PFDN1: variants seen among roughly 807,000 people sequenced by gnomAD.
PFDN1 encodes prefoldin subunit 1, also known as prefoldin 1.
Under a neutral mutation model 17.3 loss-of-function variants are expected in PFDN1, and 6 were observed. The observed-to-expected ratio is 0.35, with a 90% CI of 0.19 to 0.69. The LOEUF is 0.69. Ranked by LOEUF, PFDN1 falls within the 30% of genes least tolerant of loss-of-function variation. The pLI, the probability that PFDN1 is intolerant of heterozygous loss-of-function variation, is 0.65. For missense variants in PFDN1, 113 were observed against 146.2 expected (o/e 0.77, Z 1.17); for synonymous variants, 58 against 50.1 (o/e 1.16, Z -0.67).
chr5:140,249,947 C>T lies in PFDN1; in HGVS notation c.286-3890G>A, dbSNP rs760719273. On this transcript the variant is annotated intron_variant, in intron 3 of 3. Transcript: ENST00000261813. The stretch of plus-strand genomic sequence containing the variant: ...CGGGGGTTGGGGGGGTCTGGGGGTA[C>T]CAAATTTCAACATGAGACCTGCCAG... Among the ~76,000 whole-genome samples, 3 of 152,060 alleles carry T rather than the reference C, an allele frequency of 2.0e-5. 1 individual carries two copies. Among genetic ancestry groups the T allele is most frequent in the Non-Finnish European group, 4.4e-5 (3 of 68,006 alleles).
intron 3 of PFDN1, among the ~76,000 whole-genome samples, chr5:140,278,017 T>C (rs775792194): frequency 5.9e-5 from 9 of 151,568 alleles, no homozygotes; most frequent in Non-Finnish European, 1.0e-4. Flanking sequence ...AAGACCAGCC[T>C]GGCCAACATG....
At chr5:140,251,758 T>C (rs895576677) in intron 3 of PFDN1, among the ~76,000 whole-genome samples, 8 of 152,154 alleles carry the variant, frequency 5.3e-5, no homozygotes, top group South Asian at 2.1e-4. Flanking sequence ...AATGACATTG[T>C]TGGAGTTATT....
intron 3 of PFDN1, among the ~76,000 whole-genome samples, chr5:140,276,884 C>T (rs1581091161): frequency 1.4e-5 from 2 of 142,622 alleles, no homozygotes; most frequent in South Asian, 4.5e-4. Context: ...GAGAAATAAA[C>T]AGAAATCATA....
intron 2 of PFDN1, among the ~76,000 whole-genome samples, chr5:140,291,754 G>A (rs1765585965): frequency 6.6e-6 from 1 of 152,122 alleles, no homozygotes. Flanking sequence ...GACAGTAAAG[G>A]AAGCTGAAAA....
chr5:140,287,600 G>A (rs984767146), intron 2 of PFDN1, among the ~76,000 whole-genome samples: 36 of 152,230 alleles, frequency 2.4e-4, no homozygotes, highest in Middle Eastern at 3.4e-3. Context: ...GGAGCATACT[G>A]CAGTATGAGA....
At chr5:140,271,107 A>G (rs780063217) in intron 3 of PFDN1, among the ~76,000 whole-genome samples, 4 of 152,156 alleles carry the variant, frequency 2.6e-5, no homozygotes, top group African/African-American at 4.8e-5. Context: ...AAATGCTCAA[A>G]CAGAAAAAGA....
chr5:140,251,489 G>A (rs1001271635), intron 3 of PFDN1, among the ~76,000 whole-genome samples: 2 of 152,158 alleles, frequency 1.3e-5, no homozygotes, highest in Admixed American at 6.5e-5. Context: ...TTGAGGAACT[G>A]CTCTATCCGA....
At chr5:140,251,098 G>A (rs1239330554) in intron 3 of PFDN1, among the ~76,000 whole-genome samples, 1 of 151,954 alleles carries the variant, frequency 6.6e-6, no homozygotes, top group Non-Finnish European at 1.5e-5. Flanking sequence ...ACCACACCCA[G>A]CTAATTTTTC....
At chr5:140,257,078 C>T (rs752814784) in intron 3 of PFDN1, among the ~76,000 whole-genome samples, 3 of 152,072 alleles carry the variant, frequency 2.0e-5, no homozygotes, top group Non-Finnish European at 4.4e-5. Context: ...AAAAAATTAG[C>T]TGGGCATGGT....
chr5:140,284,313 C>T (rs1357297165), intron 2 of PFDN1, among the ~76,000 whole-genome samples: 3 of 152,144 alleles, frequency 2.0e-5, no homozygotes, highest in African/African-American at 4.8e-5. Flanking sequence ...AAATGTCTAC[C>T]TCAAAGAGTA....
At chr5:140,267,146 G>A (rs191697817) in intron 3 of PFDN1, among the ~76,000 whole-genome samples, 1 of 152,360 alleles carries the variant, frequency 6.6e-6, no homozygotes, top group East Asian at 1.9e-4. Flanking sequence ...AGGTGCACTG[G>A]AATCACACAT....
chr5:140,273,881 AT>A (rs1185514279), intron 3 of PFDN1: 33 of 983,952 alleles, frequency 3.4e-5, no homozygotes, highest in Non-Finnish European at 4.0e-5. Context: ...TGCCTAAAAT[AT>A]AACAGACTTT....
rs1764813930 is a variant in PFDN1, at chr5:140,245,359, G to T, written c.*615C>A. The T allele has an allele frequency of 4.5e-6, 3 of 665,106 alleles. No individual in the cohort carries two copies. The South Asian group carries it at 4.8e-5, about 11-fold the overall frequency. The allele number at this position is 665,106 out of a possible 1,614,324, so 41.2% of individuals were successfully genotyped here. A position where few individuals can be genotyped will look rare whatever the true frequency, so the allele number is the denominator to read the frequency against. On this transcript the variant is annotated 3_prime_UTR_variant, in exon 4 of 4. Transcript: ENST00000261813. ...AATGTATGGGAGAAGGCAGGGAAAG[G>T]AATCTTTAGGCAGACTGCCATCCAG...
Position 140,245,781 on chromosome 5 carries a change from G to A in PFDN1, c.*193C>T. 1 of 612,558 alleles carries A rather than the reference G, an allele frequency of 1.6e-6. No individual in the cohort carries two copies. The highest frequency in any genetic ancestry group is 2.7e-5 in the East Asian group (1 of 36,598). The allele number at this position is 612,558 out of a possible 1,614,324, so 37.9% of individuals were successfully genotyped here. Reference sequence around the variant, plus strand: ...GGGAAGAGTGTCCTGGGCAGAGGTGGCAGGCAAAGCCGGGTAAAAACTCCA... The same window carrying A: ...GGGAAGAGTGTCCTGGGCAGAGGTGACAGGCAAAGCCGGGTAAAAACTCCA... On this transcript the variant is annotated 3_prime_UTR_variant, in exon 4 of 4. Coordinates refer to ENST00000261813, the MANE Select transcript of PFDN1 (RefSeq NM_002622.5).
At chr5:140,285,604 A>G (rs1489651162) in intron 2 of PFDN1, among the ~76,000 whole-genome samples, 1 of 152,124 alleles carries the variant, frequency 6.6e-6, no homozygotes, top group Non-Finnish European at 1.5e-5. Context: ...TATTGGCATA[A>G]TGAAGAGTAG....
At position 140,245,363 on chromosome 5, in the gene PFDN1, C is replaced by A; in HGVS notation, c.*611G>T. ...TATGGGAGAAGGCAGGGAAAGGAAT[C>A]TTTAGGCAGACTGCCATCCAGGGAC... On this transcript the variant is annotated 3_prime_UTR_variant, in exon 4 of 4. Coordinates refer to ENST00000261813, the MANE Select transcript of PFDN1 (RefSeq NM_002622.5). 3.0e-6 allele frequency: 2 copies of A among 674,158 alleles called. No homozygotes were observed. The highest frequency in any genetic ancestry group is 3.2e-5 in the South Asian group (2 of 62,978). The allele number at this position is 674,158 out of a possible 1,614,324, so 41.8% of individuals were successfully genotyped here. A position where few individuals can be genotyped will look rare whatever the true frequency, so the allele number is the denominator to read the frequency against.
chr5:140,289,347 T>C (rs1034259708), intron 2 of PFDN1, among the ~76,000 whole-genome samples: 9 of 151,492 alleles, frequency 5.9e-5, no homozygotes, highest in Admixed American at 2.6e-4. Flanking sequence ...AAATAAATAA[T>C]GTAGTACTAG....
At chr5:140,281,616 A>G (rs1188067382) in intron 2 of PFDN1, 83 bp from the exon 3 acceptor site, 7 of 732,028 alleles carry the variant, frequency 9.6e-6, no homozygotes, top group Non-Finnish European at 1.7e-5. Flanking sequence ...ACAAATATTA[A>G]ACTGAGCAAA....
intron 2 of PFDN1, among the ~76,000 whole-genome samples, chr5:140,291,328 GT>G (rs1158682251): frequency 1.3e-5 from 2 of 152,150 alleles, no homozygotes; most frequent in Non-Finnish European, 2.9e-5. Flanking sequence ...TAAAGATAGA[GT>G]CAACAGTATT....
Sources: gnomAD v4.1 joint callset for allele counts (sites outside exome capture counted in the v4.1 genomes callset) on GRCh38, gnomAD v4.1.1 for gene constraint, MANE v1.5 for transcripts, NCBI Gene and HGNC (gene_info 2026-07-23, HGNC 2026-07-21) for gene names.